Variants in IKZF1 observed in about 807,000 individuals in gnomAD.
IKZF1 encodes IKAROS family zinc finger 1, also known as DNA-binding protein Ikaros.
In IKZF1, 10 loss-of-function variants were observed where a neutral mutation model predicts 51.7. That is an observed-to-expected ratio of 0.19 (90% CI 0.12 to 0.33). The LOEUF (loss-of-function observed/expected upper bound fraction) is 0.33. Among genes scored for constraint, IKZF1 ranks in the 10% least tolerant of loss-of-function variants. IKZF1 has a pLI of 1.00. For missense variants in IKZF1, 484 were observed against 707.5 expected (o/e 0.68, Z 3.58); for synonymous variants, 280 against 282.3 (o/e 0.99, Z 0.08).
At chr7:50,383,334 G>A (rs1323364085) in intron 5 of IKZF1, among the ~76,000 whole-genome samples, 1 of 152,144 alleles carries the variant, frequency 6.6e-6, no homozygotes, top group African/African-American at 2.4e-5. Flanking sequence ...CTGGAGTCTT[G>A]ACAAGATCAT....
chr7:50,361,673 C>T (rs1014625664), intron 3 of IKZF1, among the ~76,000 whole-genome samples: 2 of 152,110 alleles, frequency 1.3e-5, no homozygotes, highest in African/African-American at 4.8e-5. Flanking sequence ...GTCAAGAGAT[C>T]GAGACCATCC....
intron 3 of IKZF1, among the ~76,000 whole-genome samples, chr7:50,364,396 T>C (rs1806196631): frequency 6.6e-6 from 1 of 152,250 alleles, no homozygotes. Context: ...CCAAATAAGT[T>C]AAATTTGCTC....
chr7:50,338,077 T>C (rs1424741972), intron 3 of IKZF1, among the ~76,000 whole-genome samples: 28 of 152,116 alleles, frequency 1.8e-4, no homozygotes, highest in African/African-American at 6.5e-4. Context: ...GAATCTGACA[T>C]GTGAATTTTA....
chr7:50,321,673 A>G (rs1296024142), intron 2 of IKZF1, among the ~76,000 whole-genome samples: 1 of 152,198 alleles, frequency 6.6e-6, no homozygotes, highest in Non-Finnish European at 1.5e-5. Context: ...TCAAAGCTGA[A>G]TGCTGACACC....
At chr7:50,330,930 AGGTCCAGGCCCTCTCCTCCCT>A (rs1796325169) in intron 3 of IKZF1, among the ~76,000 whole-genome samples, 1 of 152,172 alleles carries the variant, frequency 6.6e-6, no homozygotes, top group South Asian at 2.1e-4. Context: ...CAGAAGGGAC[AGGTCCAGGCCCTCTCCTCCCT>A]GGCCTGGAGC....
chr7:50,357,200 C>T (rs1396055693), intron 3 of IKZF1, among the ~76,000 whole-genome samples: 6 of 151,988 alleles, frequency 3.9e-5, no homozygotes, highest in Non-Finnish European at 8.8e-5. Context: ...CTTAAACCAC[C>T]TCCCACCACA....
rs924135522 is a variant in IKZF1, at chr7:50,404,080, A to G, written c.*3453A>G. 1 of 215,234 alleles carries G rather than the reference A, an allele frequency of 4.6e-6. No homozygotes were observed. The highest frequency in any genetic ancestry group is 2.3e-5 in the African/African-American group (1 of 44,368). The allele number at this position is 215,234 out of a possible 1,614,324, so 13.3% of individuals were successfully genotyped here. A position where few individuals can be genotyped will look rare whatever the true frequency, so the allele number is the denominator to read the frequency against. ...CAGGCATCAGAAAAAAGAAGCACATAATGCTTTTGGTGCGATGGCACTCAC... is the reference window on the plus strand; with the variant it reads ...CAGGCATCAGAAAAAAGAAGCACATGATGCTTTTGGTGCGATGGCACTCAC... On this transcript the variant is annotated 3_prime_UTR_variant, in exon 8 of 8. Transcript: ENST00000331340.
At chr7:50,342,582 G>T (rs1799301279) in intron 3 of IKZF1, among the ~76,000 whole-genome samples, 1 of 151,706 alleles carries the variant, frequency 6.6e-6, no homozygotes, top group Non-Finnish European at 1.5e-5. Flanking sequence ...GATGCCCCTT[G>T]ATACTTCCTA....
At chr7:50,344,408 T>C (rs1799836497) in intron 3 of IKZF1, among the ~76,000 whole-genome samples, 1 of 152,238 alleles carries the variant, frequency 6.6e-6, no homozygotes, top group African/African-American at 2.4e-5. Context: ...CAGCAGTGTT[T>C]CTAAGCCAGG....
intron 1 of IKZF1, among the ~76,000 whole-genome samples, chr7:50,305,735 C>G (rs1041006515): frequency 6.6e-6 from 1 of 152,150 alleles, no homozygotes; most frequent in African/African-American, 2.4e-5. Context: ...TTTGAGATAC[C>G]TTGTTTTAAA....
chr7:50,336,960 A>G, intron 3 of IKZF1, among the ~76,000 whole-genome samples: 2 of 152,274 alleles, frequency 1.3e-5, no homozygotes, highest in Middle Eastern at 6.8e-3. Context: ...AGACAGAGTG[A>G]GTTGTGTGAT....
At chr7:50,395,008 C>G (rs1585005827) in intron 7 of IKZF1, among the ~76,000 whole-genome samples, 1 of 152,144 alleles carries the variant, frequency 6.6e-6, no homozygotes, top group Non-Finnish European at 1.5e-5. Flanking sequence ...AATATTCCTG[C>G]TACCCATTAT....
At chr7:50,303,609 A>G (rs1480426876), upstream of IKZF1, among the ~76,000 whole-genome samples, 1 of 151,532 alleles carries the variant, frequency 6.6e-6, no homozygotes, top group African/African-American at 2.4e-5. This position sits in a 1 kb window ranked among gnomAD's most constrained non-coding sequence, Gnocchi z 4.7. Context: ...AACTTTTCCC[A>G]CCCCCTCGGG....
chr7:50,309,449 G>A (rs1350144114), intron 1 of IKZF1, among the ~76,000 whole-genome samples: 1 of 151,890 alleles, frequency 6.6e-6, no homozygotes, highest in Admixed American at 6.6e-5. Flanking sequence ...TGCCTTTCCT[G>A]TCCTTCCCTT....
rs1031009197 is a variant in IKZF1, at chr7:50,403,508, G to A, written c.*2881G>A. 3 of 228,280 alleles carry A rather than the reference G, an allele frequency of 1.3e-5. No homozygotes were observed. Among genetic ancestry groups the A allele is most frequent in the Admixed American group, 5.7e-5 (1 of 17,582 alleles). The allele number at this position is 228,280 out of a possible 1,614,324, so 14.1% of individuals were successfully genotyped here. A position where few individuals can be genotyped will look rare whatever the true frequency, so the allele number is the denominator to read the frequency against. ...GCTAGTAATCGCTGTGTCTTGTTCC[G>A]CCCCCTCCCTGACACCCCAGCTTCC... On this transcript the variant is annotated 3_prime_UTR_variant, in exon 8 of 8. Coordinates refer to ENST00000331340, the MANE Select transcript of IKZF1 (RefSeq NM_006060.6).
intron 7 of IKZF1, among the ~76,000 whole-genome samples, chr7:50,392,535 A>G (rs891994663): frequency 6.6e-6 from 1 of 152,142 alleles, no homozygotes; most frequent in African/African-American, 2.4e-5. Context: ...AGGCTTGGGA[A>G]CCAGCTCAGA....
chr7:50,388,544 C>T (rs1393263480), intron 6 of IKZF1: 1 of 152,226 alleles, frequency 6.6e-6, no homozygotes, highest in Admixed American at 6.5e-5. Context: ...GGATCTGGGG[C>T]TTACAGGCGA....
At chr7:50,355,090 C>T (rs1471688913) in intron 3 of IKZF1, among the ~76,000 whole-genome samples, 1 of 152,066 alleles carries the variant, frequency 6.6e-6, no homozygotes, top group Non-Finnish European at 1.5e-5. Context: ...CAGCCTCATG[C>T]CTCTCTCCCC....
chr7:50,315,429 C>A (rs1205921566), intron 1 of IKZF1, among the ~76,000 whole-genome samples: 2 of 152,188 alleles, frequency 1.3e-5, no homozygotes, highest in African/African-American at 4.8e-5. Flanking sequence ...CTCCTAGAGG[C>A]ACAGCCATGG....
Sources: allele counts gnomAD v4.1 joint callset (sites outside exome capture counted in the v4.1 genomes callset), GRCh38; gene constraint gnomAD v4.1.1; non-coding constraint Gnocchi (gnomAD v3.1); transcripts MANE v1.5; gene names NCBI Gene and HGNC (gene_info 2026-07-23, HGNC 2026-07-21).